The following AMBRA1 variants were observed in gnomAD, a reference collection of about 807,000 sequenced individuals.
The protein encoded by AMBRA1 is autophagy and beclin 1 regulator 1.
In AMBRA1, 47 loss-of-function variants were observed where a neutral mutation model predicts 125.4. That is an observed-to-expected ratio of 0.37 (90% CI 0.30 to 0.48). The LOEUF (loss-of-function observed/expected upper bound fraction) is 0.48, where lower values mean the gene tolerates loss of function less well. AMBRA1 is among the 20% of genes least tolerant of loss of function. AMBRA1 has a pLI of 0.99. For missense variants in AMBRA1, 1,331 were observed against 1,693.4 expected (o/e 0.79, Z 3.76); for synonymous variants, 626 against 655.5 (o/e 0.95, Z 0.69).
intron 11 of AMBRA1, among the ~76,000 whole-genome samples, chr11:46,459,476 C>T (rs915067926): frequency 3.3e-5 from 5 of 151,872 alleles, no homozygotes; most frequent in East Asian, 1.9e-4. Flanking sequence ...ATTGGGAAAC[C>T]GACGCAAGTG....
rs1565273742 is a variant in AMBRA1 at position 46,542,693 on chromosome 11, C to A, written c.1324G>T (p.Ala442Ser). Reference protein sequence around the residue: ...AESMPPPRTSASSVSLLSVLR... With the variant: ...AESMPPPRTSSSSVSLLSVLR... ...ACAGACAGCAAACTCACCGAAGAGG[C>A]ACTGGTTCTGGGCGGGGGCATGGAT... The change falls in exon 7 of 18, where the codon GCC (alanine) becomes TCC (serine). Residue 442 changes from alanine (A) to serine (S), a missense_variant. Ala to Ser is a moderately conservative substitution (Grantham distance 99). Coordinates refer to ENST00000683756, the MANE Select transcript of AMBRA1 (RefSeq NM_001387011.1). This position sits in a 1 kb window ranked among gnomAD's most constrained non-coding sequence, Gnocchi z 5.9. 2 of 1,614,158 alleles carry A rather than the reference C, an allele frequency of 1.2e-6. No homozygotes were observed. The highest frequency in any genetic ancestry group is 2.2e-5 in the South Asian group (2 of 91,086).
chr11:46,533,484 G>C (rs1280029062), intron 7 of AMBRA1, among the ~76,000 whole-genome samples: 1 of 152,202 alleles, frequency 6.6e-6, no homozygotes, highest in Non-Finnish European at 1.5e-5. Context: ...TTGGGGAAGA[G>C]TGGAGGGGCT....
chr11:46,564,361 G>T (rs935638533), intron 1 of AMBRA1, among the ~76,000 whole-genome samples: 1 of 151,996 alleles, frequency 6.6e-6, no homozygotes, highest in African/African-American at 2.4e-5. Flanking sequence ...ACACTTGGTA[G>T]TGCTAAACAC....
intron 9 of AMBRA1, among the ~76,000 whole-genome samples, chr11:46,500,268 A>G (rs1334378491): frequency 1.3e-5 from 2 of 152,170 alleles, no homozygotes; most frequent in Non-Finnish European, 2.9e-5. Flanking sequence ...CAGTAAGAGT[A>G]AAAAAGGACT....
rs139384613 is a variant in AMBRA1 at position 46,550,824 on chromosome 11, C to T, written c.-120-2324G>A. Among the ~76,000 whole-genome samples, 269 of 151,854 alleles carry T rather than the reference C, an allele frequency of 1.8e-3. 6 individuals are homozygous for T. In the East Asian group the frequency reaches 0.042, roughly 24 times the overall value. On this transcript the variant is annotated intron_variant, in intron 1 of 17. Transcript: ENST00000683756. ...TGTCCAGGCCAGGCGCAGTGGCTCA[C>T]GCCTGTAATCCCAGCACTTTGGGAG...
At chr11:46,500,936 A>C (rs1228698514) in intron 9 of AMBRA1, among the ~76,000 whole-genome samples, 1 of 152,198 alleles carries the variant, frequency 6.6e-6, no homozygotes, top group African/African-American at 2.4e-5. Flanking sequence ...CTATTCCATA[A>C]CTTAAAATGC....
At chr11:46,404,462 C>T (rs1442033664) in intron 17 of AMBRA1, among the ~76,000 whole-genome samples, 1 of 152,196 alleles carries the variant, frequency 6.6e-6, no homozygotes, top group African/African-American at 2.4e-5. Context: ...GGCTCCTTGC[C>T]CTAGGAGGGA....
intron 1 of AMBRA1, among the ~76,000 whole-genome samples, chr11:46,552,435 C>A (rs2043033927): frequency 7.2e-6 from 1 of 139,116 alleles, no homozygotes; most frequent in Non-Finnish European, 1.5e-5. Context: ...CACCTGTAAT[C>A]CCAGCACTTT....
chr11:46,443,393 G>T, intron 12 of AMBRA1, 95 bp downstream of exon 12: 2 of 931,486 alleles, frequency 2.1e-6, no homozygotes, highest in Non-Finnish European at 3.5e-6. Context: ...TGCTCAATAG[G>T]ATGATGAAAA....
intron 1 of AMBRA1, among the ~76,000 whole-genome samples, chr11:46,585,723 T>TATATATA (rs1442252869): frequency 7.0e-5 from 7 of 99,742 alleles, no homozygotes; most frequent in East Asian, 2.3e-4. Flanking sequence ...TATATATATA[T>TATATATA]TCCTAGCTTC....
At chr11:46,538,382 A>C (rs937227604) in intron 7 of AMBRA1, among the ~76,000 whole-genome samples, 4 of 152,244 alleles carry the variant, frequency 2.6e-5, no homozygotes, top group African/African-American at 9.6e-5. Context: ...CAGGGACTTC[A>C]TTTTTATAAT....
At chr11:46,516,168 A>C (rs1265531694) in intron 7 of AMBRA1, among the ~76,000 whole-genome samples, 1 of 152,196 alleles carries the variant, frequency 6.6e-6, no homozygotes, top group African/African-American at 2.4e-5. Flanking sequence ...TTTGCTGCCC[A>C]GACAATATAG....
intron 1 of AMBRA1, among the ~76,000 whole-genome samples, chr11:46,588,270 T>C (rs2044471316): frequency 6.6e-6 from 1 of 152,078 alleles, no homozygotes; most frequent in Non-Finnish European, 1.5e-5. Context: ...AGGCGCAGGT[T>C]GCAATGAGCC....
chr11:46,511,906 G>C (rs569735004), intron 8 of AMBRA1, among the ~76,000 whole-genome samples: 10 of 151,904 alleles, frequency 6.6e-5, no homozygotes, highest in Non-Finnish European at 1.5e-4. Flanking sequence ...CCAGGCTGGA[G>C]TGCAGTGGTG....
chr11:46,575,488 A>T (rs761596203), intron 1 of AMBRA1, among the ~76,000 whole-genome samples: 1 of 150,300 alleles, frequency 6.7e-6, no homozygotes, highest in South Asian at 2.1e-4. Flanking sequence ...GCTTATAAAC[A>T]ACAGAAATTT....
intron 7 of AMBRA1, among the ~76,000 whole-genome samples, chr11:46,539,086 A>G (rs899452025): frequency 6.6e-6 from 1 of 151,734 alleles, no homozygotes; most frequent in Non-Finnish European, 1.5e-5. Flanking sequence ...AAATTATCTG[A>G]TATCTAGGTG....
At chr11:46,547,783 C>A (rs765194546) in intron 3 of AMBRA1, 34 bp downstream of exon 3, 7 of 1,589,388 alleles carry the variant, frequency 4.4e-6, no homozygotes, top group Non-Finnish European at 5.1e-6. Flanking sequence ...GCACTGTTAT[C>A]ACAAATCTTA....
At chr11:46,407,673 G>A (rs1423699668) in intron 17 of AMBRA1, among the ~76,000 whole-genome samples, 1 of 152,230 alleles carries the variant, frequency 6.6e-6, no homozygotes, top group Non-Finnish European at 1.5e-5. Context: ...TACCCTGTTG[G>A]GGACTGCGGT....
chr11:46,575,599 C>T (rs1359857348), intron 1 of AMBRA1, among the ~76,000 whole-genome samples: 10 of 148,618 alleles, frequency 6.7e-5, no homozygotes, highest in African/African-American at 2.5e-4. Context: ...TCACTGCAAC[C>T]TCCGCCTCCT....
Sources: gnomAD v4.1 joint callset for allele counts (sites outside exome capture counted in the v4.1 genomes callset) on GRCh38, gnomAD v4.1.1 for gene constraint, Gnocchi (gnomAD v3.1) non-coding constraint, MANE v1.5 for transcripts, NCBI Gene and HGNC (gene_info 2026-07-23, HGNC 2026-07-21) for gene names.